The following CFAP47 variants were observed in gnomAD, a reference collection of about 807,000 sequenced individuals.
CFAP47 encodes the protein cilia and flagella associated protein 47.
A neutral mutation model predicts 148.1 loss-of-function variants in CFAP47; 29 were observed. That is an observed-to-expected ratio of 0.20 (90% confidence interval 0.15 to 0.27). CFAP47 has a LOEUF of 0.27. Among genes scored for constraint, CFAP47 ranks in the 10% least tolerant of loss-of-function variants. The pLI is 1.00. For missense variants in CFAP47, 1,872 were observed against 1,697.5 expected (o/e 1.10, Z -1.81); for synonymous variants, 664 against 577.3 (o/e 1.15, Z -2.15).
chrX:36,313,245 T>A (rs1941408133), intron 56 of CFAP47, among the ~76,000 whole-genome samples: 1 of 111,326 alleles, frequency 9.0e-6, no homozygotes, highest in Non-Finnish European at 1.9e-5. Flanking sequence ...AGGAAAGAGG[T>A]TTAATTGACT....
At chrX:36,198,914 G>A (rs983207967) in intron 42 of CFAP47, among the ~76,000 whole-genome samples, 1 of 111,745 alleles carries the variant, frequency 8.9e-6, no homozygotes, top group African/African-American at 3.2e-5. Context: ...TTATCTAGAT[G>A]TTTCATGATT....
At chrX:36,106,862 G>A (rs1414531913) in intron 33 of CFAP47, among the ~76,000 whole-genome samples, 1 of 111,626 alleles carries the variant, frequency 9.0e-6, no homozygotes, top group East Asian at 2.8e-4. Context: ...GGACGTTTAA[G>A]GTAGTGAAAC....
intron 26 of CFAP47, among the ~76,000 whole-genome samples, chrX:36,051,052 A>C (rs1412112143): frequency 8.9e-6 from 1 of 112,324 alleles, no homozygotes; most frequent in East Asian, 2.8e-4. Context: ...CGGATGATTT[A>C]TGTAATCACC....
intron 26 of CFAP47, among the ~76,000 whole-genome samples, chrX:36,050,311 G>A (rs1458892456): frequency 9.0e-6 from 1 of 111,653 alleles, no homozygotes; most frequent in Non-Finnish European, 1.9e-5. Flanking sequence ...TAGAGACTTG[G>A]AGGGCTCAGA....
intron 61 of CFAP47, among the ~76,000 whole-genome samples, chrX:36,366,239 G>A (rs782174791): frequency 4.7e-4 from 53 of 111,596 alleles, no homozygotes; most frequent in Non-Finnish European, 7.9e-4. Context: ...AAACCACACT[G>A]TTACATGTTT....
intron 45 of CFAP47, among the ~76,000 whole-genome samples, chrX:36,208,897 C>T (rs1940069781): frequency 9.3e-6 from 1 of 107,911 alleles, no homozygotes; most frequent in Non-Finnish European, 1.9e-5. Flanking sequence ...ACCTGGGAGG[C>T]GGAGTTTGCA....
intron 55 of CFAP47, among the ~76,000 whole-genome samples, chrX:36,307,669 A>C (rs1187403484): frequency 9.0e-6 from 1 of 111,174 alleles, no homozygotes; most frequent in Non-Finnish European, 1.9e-5. Context: ...ATATCTTAGA[A>C]GACATCAAGG....
intron 29 of CFAP47, among the ~76,000 whole-genome samples, chrX:36,075,761 T>A (rs1024739399): frequency 9.0e-6 from 1 of 111,418 alleles, no homozygotes; most frequent in Non-Finnish European, 1.9e-5. Flanking sequence ...AATATTTAGG[T>A]CCCACAAGAG....
intron 45 of CFAP47, chrX:36,211,732 T>A (rs1275921694): frequency 1.9e-5 from 4 of 206,079 alleles, no homozygotes; most frequent in African/African-American, 3.0e-5. Context: ...ATGATGATGA[T>A]GGATAAGTTG....
chrX:36,334,316 C>T (rs1371136375), intron 57 of CFAP47, among the ~76,000 whole-genome samples: 3 of 111,740 alleles, frequency 2.7e-5, no homozygotes, highest in Non-Finnish European at 5.7e-5. Context: ...CCTCCTGTTA[C>T]AGTGGATGAA....
chrX:36,265,456 T>C (rs1365487319), intron 49 of CFAP47, among the ~76,000 whole-genome samples: 1 of 111,835 alleles, frequency 8.9e-6, no homozygotes, highest in East Asian at 2.8e-4. Context: ...AGAGGAGTAG[T>C]GTGAGTGGAC....
At chrX:36,354,480 C>CAAA (rs869120972) in intron 60 of CFAP47, among the ~76,000 whole-genome samples, 510 of 40,470 alleles carry the variant, frequency 0.013, 13 homozygotes, top group African/African-American at 0.036. Flanking sequence ...GACTCTGTCT[C>CAAA]AAAAAAAAAA....
chrX:36,320,976 T>C (rs1941474168), intron 57 of CFAP47, among the ~76,000 whole-genome samples: 1 of 111,831 alleles, frequency 8.9e-6, no homozygotes, highest in Non-Finnish European at 1.9e-5. Flanking sequence ...TGGAGGTTCC[T>C]CAGAAAACTA....
At chrX:36,142,472 G>A (rs6629048) in intron 35 of CFAP47, among the ~76,000 whole-genome samples, 31,388 of 110,721 alleles carry the variant, frequency 0.28, 6,098 homozygotes, top group African/African-American at 0.69. Context: ...TTAGATCTAT[G>A]TAGCGAAAAT....
intron 51 of CFAP47, among the ~76,000 whole-genome samples, chrX:36,296,344 G>A (rs1438792442): frequency 8.9e-6 from 1 of 111,997 alleles, no homozygotes; most frequent in African/African-American, 3.2e-5. Context: ...ACTTATATAT[G>A]TAATAAGACT....
rs782276769 is a variant in CFAP47, at chrX:36,208,571, T to C, written c.6817+3461T>C. Among the ~76,000 whole-genome samples, 5 of 112,003 alleles carry C rather than the reference T, an allele frequency of 4.5e-5. No homozygotes were observed. In the East Asian group the frequency reaches 1.4e-3, roughly 31 times the overall value. On this transcript the variant is annotated intron_variant, in intron 45 of 63. Transcript: ENST00000378653. Reference sequence around the variant, plus strand: ...CGTGTTGTTCAATGGTCAACTGCAGTTCTCATTTTACGAAGATTAAATACA... The same window carrying C: ...CGTGTTGTTCAATGGTCAACTGCAGCTCTCATTTTACGAAGATTAAATACA...
At chrX:36,134,101 A>G (rs1938998230) in intron 33 of CFAP47, among the ~76,000 whole-genome samples, 1 of 111,302 alleles carries the variant, frequency 9.0e-6, no homozygotes, top group Non-Finnish European at 1.9e-5. Flanking sequence ...ACTTAGTATA[A>G]GTATGTATAA....
chrX:36,280,594 A>C lies in CFAP47; in HGVS notation c.7552A>C (p.Thr2518Pro). The stretch of plus-strand genomic sequence containing the variant: ...AGCCCTCTCCTGTCTTGATTCAATA[A>C]CAGAACAATCTAGCATTTTGGATGA... ...DQALSCLDSI[T>P]EQSSILDDAD... The change falls in exon 50 of 64, where the codon ACA becomes CCA. Residue 2518 changes from threonine (T) to proline (P), a missense_variant. Physicochemically the swap from Thr to Pro is conservative, Grantham distance 38 (BLOSUM62 -1). Transcript: ENST00000378653. The C allele has an allele frequency of 2.0e-6, 1 of 507,524 alleles. No homozygotes were observed. The highest frequency in any genetic ancestry group is 3.5e-6 in the Non-Finnish European group (1 of 283,551). 41.8% of individuals were successfully genotyped at this position (507,524 alleles called of 1,213,427 possible).
At chrX:36,305,175 A>G (rs1051400764) in intron 54 of CFAP47, among the ~76,000 whole-genome samples, 6 of 112,255 alleles carry the variant, frequency 5.3e-5, no homozygotes, top group African/African-American at 1.9e-4. Context: ...CAAATTAGAA[A>G]TCACTAATTA....
Sources: gnomAD v4.1 joint callset for allele counts (sites outside exome capture counted in the v4.1 genomes callset) on GRCh38, gnomAD v4.1.1 for gene constraint, MANE v1.5 for transcripts, NCBI Gene and HGNC (gene_info 2026-07-23, HGNC 2026-07-21) for gene names.